The following TENM2 variants were observed in gnomAD, a reference collection of about 807,000 sequenced individuals.
TENM2 encodes the protein teneurin-2.
In TENM2, 52 loss-of-function variants were observed where a neutral mutation model predicts 245.2. That is an observed-to-expected ratio of 0.21 (90% CI 0.17 to 0.27). The LOEUF (loss-of-function observed/expected upper bound fraction) is 0.27. Among genes scored for constraint, TENM2 ranks in the 10% least tolerant of loss-of-function variants. The pLI is 1.00. For synonymous variants in TENM2, 1,363 were observed against 1,438.9 expected, an observed-to-expected ratio of 0.95 and a Z score of 1.19; for missense variants, 3,046 against 3,666.8, an observed-to-expected ratio of 0.83 and a Z score of 4.37.
At chr5:168,199,219 T>TA (rs1482691385) in intron 16 of TENM2, 105 bp downstream of exon 18, 4 of 1,224,614 alleles carry the variant, frequency 3.3e-6, no homozygotes, top group Admixed American at 2.8e-5. Flanking sequence ...TGTAGGGGAG[T>TA]AAAAAAAGTG....
At chr5:167,742,209 A>G (rs1183341851) in intron 2 of TENM2, among the ~76,000 whole-genome samples, 1 of 152,012 alleles carries the variant, frequency 6.6e-6, no homozygotes, top group Admixed American at 6.6e-5. Flanking sequence ...TCCCCCAATA[A>G]TTCCCACTTT....
chr5:167,993,145 G>T, exon 5 of TENM2: 2 of 1,613,960 alleles, frequency 1.2e-6, no homozygotes, highest in Non-Finnish European at 1.7e-6. Context: ...CCATTGCCGC[G>T]GCCCTCCTCT....
chr5:167,202,206 G>C, the TENM2 span, among the ~76,000 whole-genome samples: 1 of 152,288 alleles, frequency 6.6e-6, no homozygotes, highest in African/African-American at 2.4e-5. Flanking sequence ...AGCACTTGGA[G>C]TCTTCTTAGA....
chr5:167,865,489 G>C (rs73370980), intron 2 of TENM2, among the ~76,000 whole-genome samples: 1 of 152,060 alleles, frequency 6.6e-6, no homozygotes, highest in African/African-American at 2.4e-5. Flanking sequence ...GCCCAGGCCA[G>C]TTTCAAACTC....
Position 167,319,025 on chromosome 5 carries a change from T to C in TENM2, c.226+33962T>C, listed in dbSNP as rs189854334. The stretch of plus-strand genomic sequence containing the variant: ...TCATTCGAGGCTTTCTTTTATGGGA[T>C]ATTTAGAGATTTTAAAAAAAAATCT... On this transcript the variant is annotated intron_variant, in intron 1 of 28. Coordinates refer to ENST00000518659, the Ensembl canonical transcript of TENM2. Among the ~76,000 whole-genome samples, 119 of 152,284 alleles carry C rather than the reference T, an allele frequency of 7.8e-4. 1 individual carries two copies. Among genetic ancestry groups the C allele is most frequent in the Middle Eastern group, 3.4e-3 (1 of 294 alleles).
chr5:167,896,463 G>A (rs1775232858), intron 3 of TENM2, among the ~76,000 whole-genome samples: 1 of 152,216 alleles, frequency 6.6e-6, no homozygotes, highest in African/African-American at 2.4e-5. Flanking sequence ...TCATGGTTGA[G>A]ACATGTGGCT....
Position 167,683,184 on chromosome 5 carries a change from ATTTG to A in TENM2, c.503-192797_503-192794del, listed in dbSNP as rs1234709820. ...ATTATAATCTGTATTAATTGTGTAC[ATTTG>A]TTTGAGTTAGAGATTTATTGCCTGT... On this transcript the variant is annotated intron_variant, in intron 2 of 28. Transcript: ENST00000518659. Among the ~76,000 whole-genome samples the A allele has an allele frequency of 2.0e-5, 3 of 151,842 alleles. No individual in the cohort carries two copies. The East Asian group carries it at 5.8e-4, about 29-fold the overall frequency.
the TENM2 span, among the ~76,000 whole-genome samples, chr5:167,111,346 C>A: frequency 2.6e-5 from 4 of 152,174 alleles, no homozygotes; most frequent in East Asian, 3.9e-4. Flanking sequence ...TTAGTCTGTA[C>A]CTGTAATTCT....
chr5:167,105,769 T>G, the TENM2 span, among the ~76,000 whole-genome samples: 1,760 of 147,348 alleles, frequency 0.012, 20 homozygotes, highest in Non-Finnish European at 0.019. Flanking sequence ...GCGCCTGTAG[T>G]CCCAGCTACT....
At chr5:168,004,375 C>G (rs1335076601) in intron 5 of TENM2, among the ~76,000 whole-genome samples, 1 of 152,080 alleles carries the variant, frequency 6.6e-6, no homozygotes, top group Admixed American at 6.5e-5. Context: ...TCTCTTAATC[C>G]CAGTGGAACA....
the TENM2 span, among the ~76,000 whole-genome samples, chr5:167,127,845 G>T: frequency 1.3e-5 from 2 of 152,074 alleles, no homozygotes; most frequent in East Asian, 3.9e-4. Flanking sequence ...AGTTGACCTT[G>T]TCATCAAAAT....
intron 2 of TENM2, among the ~76,000 whole-genome samples, chr5:167,621,484 G>A (rs1411375343): frequency 6.6e-6 from 1 of 152,098 alleles, no homozygotes; most frequent in Non-Finnish European, 1.5e-5. Flanking sequence ...GTAGGGAGGG[G>A]CCAGGTCATT....
chr5:168,058,821 T>C (rs1789787353), intron 6 of TENM2, among the ~76,000 whole-genome samples: 1 of 152,206 alleles, frequency 6.6e-6, no homozygotes, highest in Non-Finnish European at 1.5e-5. Flanking sequence ...TAGCAATTAT[T>C]TCATGATTAT....
chr5:167,052,456 G>T, the TENM2 span, among the ~76,000 whole-genome samples: 1 of 152,130 alleles, frequency 6.6e-6, no homozygotes, highest in Non-Finnish European at 1.5e-5. Flanking sequence ...ATTTAACATT[G>T]TTCCACATAC....
At chr5:167,501,496 A>G (rs924992188) in intron 2 of TENM2, among the ~76,000 whole-genome samples, 2 of 152,154 alleles carry the variant, frequency 1.3e-5, no homozygotes, top group Admixed American at 6.6e-5. Flanking sequence ...GTTGGCAGAG[A>G]TGCATTCACA....
At chr5:167,478,480 C>T (rs1767541884) in intron 2 of TENM2, among the ~76,000 whole-genome samples, 1 of 152,160 alleles carries the variant, frequency 6.6e-6, no homozygotes, top group East Asian at 1.9e-4. Flanking sequence ...CTCCTTGTAG[C>T]TTGTGCATTG....
chr5:167,741,331 T>C (rs541049016), intron 2 of TENM2, among the ~76,000 whole-genome samples: 1 of 152,286 alleles, frequency 6.6e-6, no homozygotes, highest in African/African-American at 2.4e-5. Context: ...AATGGATAGA[T>C]TTAGGAAAAT....
the TENM2 span, among the ~76,000 whole-genome samples, chr5:167,101,206 C>T: frequency 2.2e-4 from 33 of 152,276 alleles, no homozygotes; most frequent in South Asian, 5.8e-3. Context: ...CAATTCCAAA[C>T]GTTTTTATGA....
chr5:167,954,635 G>A, intron 4 of TENM2, among the ~76,000 whole-genome samples: 1 of 152,026 alleles, frequency 6.6e-6, no homozygotes, highest in East Asian at 1.9e-4. Context: ...CCCCCTCACA[G>A]GCCCCAGTGT....
Sources: allele counts gnomAD v4.1 joint callset (sites outside exome capture counted in the v4.1 genomes callset), GRCh38; gene constraint gnomAD v4.1.1; transcripts MANE v1.5; gene names NCBI Gene and HGNC (gene_info 2026-07-23, HGNC 2026-07-21).